The following SOX6 variants were observed in gnomAD, a reference collection of about 807,000 sequenced individuals.
SOX6 encodes transcription factor SOX-6.
A neutral mutation model predicts 97.8 loss-of-function variants in SOX6; 11 were observed. The ratio of observed to expected loss-of-function variants is 0.11; its 90% confidence interval spans 0.07 to 0.19. SOX6 has a LOEUF of 0.19. Ranked by LOEUF, SOX6 falls within the 10% of genes least tolerant of loss-of-function variation. The probability of loss-of-function intolerance (pLI) is 1.00; values close to 1 mark genes in which losing one functional copy is unlikely to be tolerated. For missense variants in SOX6, 810 were observed against 1,039.5 expected, an observed-to-expected ratio of 0.78 and a Z score of 3.04; for synonymous variants, 360 against 371.4, an observed-to-expected ratio of 0.97 and a Z score of 0.35.
intron 4 of SOX6, chr11:16,484,660 G>A (rs1478796196): frequency 4.7e-6 from 3 of 635,636 alleles, no homozygotes; most frequent in Non-Finnish European, 8.6e-6. Context: ...TGAGCACGAA[G>A]TGGCTGGCCA....
At chr11:16,248,560 C>T (rs912488420) in intron 3 of SOX6, among the ~76,000 whole-genome samples, 1 of 152,248 alleles carries the variant, frequency 6.6e-6, no homozygotes, top group South Asian at 2.1e-4. Flanking sequence ...GTTGCCAAGG[C>T]TTGGGCCTTG....
intron 7 of SOX6, among the ~76,000 whole-genome samples, chr11:16,109,463 A>G (rs924248037): frequency 6.6e-6 from 1 of 152,080 alleles, no homozygotes; most frequent in African/African-American, 2.4e-5. Context: ...CAGCCTCCCA[A>G]CGTGCTGGGA....
At chr11:16,623,579 A>G (rs1848578443) in intron 3 of SOX6, among the ~76,000 whole-genome samples, 1 of 151,918 alleles carries the variant, frequency 6.6e-6, no homozygotes, top group African/African-American at 2.4e-5. Flanking sequence ...AGTCCCATCT[A>G]TTTATCTTTG....
chr11:16,198,031 T>TTGTTGTTGTTGTTGTTGC (rs1469006433), intron 4 of SOX6, among the ~76,000 whole-genome samples: 1 of 1,678 alleles, frequency 6.0e-4, no homozygotes, highest in Non-Finnish European at 3.4e-3. Flanking sequence ...TTTCCTGTTG[T>TTGTTGTTGTTGTTGTTGC]TGTTGTTGTT....
At chr11:16,331,871 T>C (rs1161249516) in intron 2 of SOX6, among the ~76,000 whole-genome samples, 1 of 152,148 alleles carries the variant, frequency 6.6e-6, no homozygotes, top group East Asian at 1.9e-4. Flanking sequence ...CATACAACCT[T>C]GGACTGATGA....
At chr11:16,450,225 G>A (rs1012084627) in intron 1 of SOX6, among the ~76,000 whole-genome samples, 1 of 152,132 alleles carries the variant, frequency 6.6e-6, no homozygotes, top group African/African-American at 2.4e-5. Flanking sequence ...TAAAAAAGGA[G>A]AAGCACAATT....
intron 14 of SOX6, 30 bp from the exon 15 acceptor site, chr11:15,986,450 A>G: frequency 6.2e-7 from 1 of 1,607,958 alleles, no homozygotes; most frequent in Non-Finnish European, 8.5e-7. Context: ...TAAGTACCCA[A>G]GTGGTCAAGG....
intron 3 of SOX6, among the ~76,000 whole-genome samples, chr11:16,691,384 T>G (rs1848011878): frequency 1.3e-5 from 2 of 152,254 alleles, no homozygotes; most frequent in South Asian, 2.1e-4. Context: ...AATTCACTTA[T>G]AGTGGAAAGA....
chr11:16,045,516 G>A (rs1362487666), intron 12 of SOX6, among the ~76,000 whole-genome samples: 3 of 152,090 alleles, frequency 2.0e-5, no homozygotes, highest in Non-Finnish European at 2.9e-5. Context: ...AATCAGTCTA[G>A]GGATTCCCAT....
intron 15 of SOX6, among the ~76,000 whole-genome samples, chr11:15,984,469 G>C (rs1248563673): frequency 6.6e-6 from 1 of 152,136 alleles, no homozygotes; most frequent in Admixed American, 6.5e-5. Context: ...TTGTTCAAAA[G>C]AGATTATACA....
chr11:16,583,290 C>T (rs1424182622), intron 4 of SOX6, among the ~76,000 whole-genome samples: 1 of 151,802 alleles, frequency 6.6e-6, no homozygotes, highest in East Asian at 1.9e-4. Flanking sequence ...GTTTTGGGAA[C>T]ATTCAATCCT....
intron 4 of SOX6, among the ~76,000 whole-genome samples, chr11:16,611,170 G>A (rs1848392918): frequency 6.6e-6 from 1 of 152,256 alleles, no homozygotes; most frequent in Non-Finnish European, 1.5e-5. Context: ...AAAAGGAAAG[G>A]CGCGCACGGT....
chr11:16,497,055 G>A (rs1860612142), intron 4 of SOX6, among the ~76,000 whole-genome samples: 1 of 152,176 alleles, frequency 6.6e-6, no homozygotes, highest in Non-Finnish European at 1.5e-5. Context: ...TAGCCTAACT[G>A]GGAGGCACCC....
At position 16,156,311 on chromosome 11, in the gene SOX6, T is replaced by C. The variant is rs374811993; in HGVS notation, c.777+27575A>G. ...GGGTCCCTTTGCTACTGCCTCTCCTTCTTAATCTCCATCACATGTTCCCAT... is the reference window on the plus strand; with the variant it reads ...GGGTCCCTTTGCTACTGCCTCTCCTCCTTAATCTCCATCACATGTTCCCAT... On this transcript the variant is annotated intron_variant, in intron 6 of 15. Transcript: ENST00000683767. 4.6e-5 allele frequency among the ~76,000 whole-genome samples: 7 copies of C among 152,076 alleles called. No individual in the cohort carries two copies. In the East Asian group the frequency reaches 7.7e-4, roughly 17 times the overall value.
intron 3 of SOX6, among the ~76,000 whole-genome samples, chr11:16,296,406 A>G: frequency 6.6e-6 from 1 of 152,154 alleles, no homozygotes; most frequent in East Asian, 1.9e-4. Context: ...TTGTAATCAA[A>G]TAACAACTAA....
At chr11:16,027,260 A>G (rs534235578) in intron 12 of SOX6, among the ~76,000 whole-genome samples, 19 of 152,332 alleles carry the variant, frequency 1.2e-4, no homozygotes, top group Middle Eastern at 3.4e-3. Context: ...ACTAAGATAT[A>G]TAAGTTAGAA....
intron 3 of SOX6, among the ~76,000 whole-genome samples, chr11:16,679,744 A>C (rs1284543059): frequency 6.6e-6 from 1 of 152,048 alleles, no homozygotes; most frequent in East Asian, 1.9e-4. Context: ...GCTAACTCAA[A>C]CAGTGTAGAG....
At chr11:16,399,341 T>C (rs1005224700) in intron 1 of SOX6, among the ~76,000 whole-genome samples, 15 of 147,584 alleles carry the variant, frequency 1.0e-4, no homozygotes, top group South Asian at 8.4e-4. Flanking sequence ...TATTGTTTTA[T>C]ATTATTTTTA....
At chr11:16,553,307 G>A (rs1411444304) in intron 4 of SOX6, among the ~76,000 whole-genome samples, 1 of 152,134 alleles carries the variant, frequency 6.6e-6, no homozygotes, top group Non-Finnish European at 1.5e-5. Flanking sequence ...GCTAAGTATG[G>A]GCTGTTGGCA....
Sources: allele counts gnomAD v4.1 joint callset (sites outside exome capture counted in the v4.1 genomes callset), GRCh38; gene constraint gnomAD v4.1.1; transcripts MANE v1.5; gene names NCBI Gene and HGNC (gene_info 2026-07-23, HGNC 2026-07-21).